The following RFC3 variants were observed in gnomAD, a reference collection of about 807,000 sequenced individuals.
The protein encoded by RFC3 is A1 38 kDa subunit.
Under a neutral mutation model 45.1 loss-of-function variants are expected in RFC3, and 41 were observed. The ratio of observed to expected loss-of-function variants is 0.91; its 90% CI spans 0.71 to 1.18. The LOEUF (loss-of-function observed/expected upper bound fraction) is 1.18, where lower values mean the gene tolerates loss of function less well. Ranked by LOEUF, RFC3 falls within the 50% of genes most tolerant of loss-of-function variation. RFC3 has a pLI of 0.00. For synonymous variants in RFC3, 149 were observed against 144.0 expected, an observed-to-expected ratio of 1.03 and a Z score of -0.25; for missense variants, 423 against 428.1, an observed-to-expected ratio of 0.99 and a Z score of 0.10.
chr13:33,970,483 G>C (rs2083105387), downstream of RFC3, among the ~76,000 whole-genome samples: 1 of 152,162 alleles, frequency 6.6e-6, no homozygotes, highest in South Asian at 2.1e-4. Flanking sequence ...TGGTGTTTCT[G>C]CTTCTAGATC....
intron 8 of RFC3, among the ~76,000 whole-genome samples, chr13:33,933,315 C>A (rs1406075886): frequency 7.2e-5 from 11 of 152,074 alleles, no homozygotes. Flanking sequence ...TTTTACCTGT[C>A]CTACATTGTT....
At chr13:33,944,922 G>C (rs376310462) in intron 8 of RFC3, among the ~76,000 whole-genome samples, 54 of 152,242 alleles carry the variant, frequency 3.5e-4, no homozygotes, top group African/African-American at 1.3e-3. Context: ...ACTTAACTCA[G>C]CATCTCAGAA....
At chr13:33,967,727 C>T (rs1015951663), downstream of RFC3, among the ~76,000 whole-genome samples, 2 of 151,930 alleles carry the variant, frequency 1.3e-5, no homozygotes, top group Non-Finnish European at 2.9e-5. Context: ...ACCTAGTGAT[C>T]TACCCACCTC....
At chr13:33,940,996 A>G (rs915961889) in intron 8 of RFC3, among the ~76,000 whole-genome samples, 2 of 152,228 alleles carry the variant, frequency 1.3e-5, no homozygotes, top group Non-Finnish European at 2.9e-5. Context: ...GACCCAACCC[A>G]CAAGTGTTTA....
At chr13:33,966,883 G>A (rs995577371), downstream of RFC3, among the ~76,000 whole-genome samples, 10 of 152,110 alleles carry the variant, frequency 6.6e-5, no homozygotes, top group Admixed American at 2.0e-4. Flanking sequence ...GTGGCCAGGC[G>A]TGGTGGCTCA....
At chr13:33,954,019 G>T (rs1235362640) in intron 8 of RFC3, among the ~76,000 whole-genome samples, 1 of 152,110 alleles carries the variant, frequency 6.6e-6, no homozygotes, top group East Asian at 1.9e-4. Context: ...CTACAAACAA[G>T]ATTTTAAAGG....
intron 8 of RFC3, among the ~76,000 whole-genome samples, chr13:33,859,238 G>A (rs564073529): frequency 7.2e-5 from 11 of 152,166 alleles, no homozygotes; most frequent in South Asian, 2.1e-4. Context: ...TCTGTGTATC[G>A]TCTTTTCCCC....
chr13:33,890,647 C>T (rs558577377), intron 8 of RFC3, among the ~76,000 whole-genome samples: 8 of 152,276 alleles, frequency 5.3e-5, no homozygotes, highest in African/African-American at 1.9e-4. Flanking sequence ...TTGTGTCAGG[C>T]ATTGTCCTGA....
At chr13:33,871,396 C>A (rs1031065482) in intron 8 of RFC3, among the ~76,000 whole-genome samples, 1 of 152,130 alleles carries the variant, frequency 6.6e-6, no homozygotes, top group African/African-American at 2.4e-5. Context: ...CTTTTGCAAT[C>A]GTTGGTTAAT....
rs553797470 is a variant in RFC3, at chr13:33,821,230, T to A, written c.186T>A (p.Val62=). ...IMCILRELYG[V]GVEKLRIEHQ... Reference sequence around the variant, plus strand: ...GTATTCTACGTGAACTTTATGGTGTTGGAGTGGAAAAATTGAGAATTGAAC... The same window carrying A: ...GTATTCTACGTGAACTTTATGGTGTAGGAGTGGAAAAATTGAGAATTGAAC... The change falls in exon 2 of 9, where the codon GTT becomes GTA. Residue 62 remains valine (V), a synonymous_variant. Transcript: ENST00000380071. The A allele has an allele frequency of 5.6e-6, 9 of 1,613,744 alleles. No individual in the cohort carries two copies. In the African/African-American group the frequency reaches 1.2e-4, roughly 22 times the overall value.
At chr13:33,856,918 C>T (rs2082311864) in intron 8 of RFC3, among the ~76,000 whole-genome samples, 1 of 152,138 alleles carries the variant, frequency 6.6e-6, no homozygotes, top group African/African-American at 2.4e-5. Context: ...CAGGTGGTTA[C>T]TGGAGGAACC....
the RFC3 span, among the ~76,000 whole-genome samples, chr13:33,972,517 G>A: frequency 1.6e-3 from 248 of 152,290 alleles, no homozygotes; most frequent in African/African-American, 5.4e-3. Flanking sequence ...ATTTTACCAA[G>A]TATTTTTATC....
intron 8 of RFC3, among the ~76,000 whole-genome samples, chr13:33,885,894 A>G (rs183825573): frequency 2.0e-5 from 3 of 152,272 alleles, no homozygotes; most frequent in Admixed American, 1.3e-4. Flanking sequence ...AATTGAGATT[A>G]AAGATATTAT....
At chr13:33,907,507 T>G (rs1186640720) in intron 8 of RFC3, among the ~76,000 whole-genome samples, 1 of 152,098 alleles carries the variant, frequency 6.6e-6, no homozygotes, top group Non-Finnish European at 1.5e-5. Flanking sequence ...GAAAATACTT[T>G]TCTTTAGTGA....
chr13:33,822,778 A>G (rs749298852), intron 2 of RFC3, among the ~76,000 whole-genome samples: 1 of 152,182 alleles, frequency 6.6e-6, no homozygotes, highest in Non-Finnish European at 1.5e-5. Flanking sequence ...TTTAGACTAT[A>G]TGAATTGCTC....
At position 33,836,900 on chromosome 13, in the gene RFC3, G is replaced by C. The variant is rs973012646; in HGVS notation, c.*605G>C. 3 of 984,480 alleles carry C rather than the reference G, an allele frequency of 3.0e-6. No homozygotes were observed. In the African/African-American group the frequency reaches 5.2e-5, roughly 17 times the overall value. The allele number at this position is 984,480 out of a possible 1,614,324, so 61.0% of individuals were successfully genotyped here. On this transcript the variant is annotated 3_prime_UTR_variant, in exon 9 of 9. Coordinates refer to ENST00000380071, the MANE Select transcript of RFC3 (RefSeq NM_002915.4). ...AATAAGCATGTTTTCACTAATTTAA[G>C]TACTTGAGACTCTTGAAGAAAATTC...
intron 8 of RFC3, among the ~76,000 whole-genome samples, chr13:33,843,637 C>G (rs995608079): frequency 1.3e-5 from 2 of 152,180 alleles, no homozygotes; most frequent in Non-Finnish European, 1.5e-5. Context: ...CAGGCATTCT[C>G]TCATTTAATT....
At chr13:33,828,206 C>T (rs3135586) in intron 4 of RFC3, among the ~76,000 whole-genome samples, 2 of 151,974 alleles carry the variant, frequency 1.3e-5, no homozygotes, top group South Asian at 4.2e-4. Context: ...GAGCTCTATT[C>T]CCTATCTTAT....
rs996422369 is a variant in RFC3 at position 33,831,146 on chromosome 13, C to T, written c.711-110C>T. On this transcript the variant is annotated intron_variant, in intron 6 of 8. Transcript: ENST00000380071. ...AATGCTGGCCTATCCGCTGCTCACT[C>T]CTGCTGTGCAGCCCGGTTCCTAACC... 1.4e-5 allele frequency: 10 copies of T among 697,594 alleles called. No homozygotes were observed. In the African/African-American group the frequency reaches 1.8e-4, roughly 12 times the overall value. The allele number at this position is 697,594 out of a possible 1,614,324, so 43.2% of individuals were successfully genotyped here.
Sources: allele counts gnomAD v4.1 joint callset (sites outside exome capture counted in the v4.1 genomes callset), GRCh38; gene constraint gnomAD v4.1.1; transcripts MANE v1.5; gene names NCBI Gene and HGNC (gene_info 2026-07-23, HGNC 2026-07-21).